Variants in PTPRN2 observed in about 807,000 individuals in gnomAD.
PTPRN2 encodes the protein protein tyrosine phosphatase receptor type N2.
In PTPRN2, 74 loss-of-function variants were observed where a neutral mutation model predicts 118.8. The observed-to-expected ratio is 0.62, with a 90% CI of 0.52 to 0.76. The LOEUF (loss-of-function observed/expected upper bound fraction) is 0.76, where lower values mean the gene tolerates loss of function less well. PTPRN2 is among the 30% of genes least tolerant of loss of function. The pLI, the probability that PTPRN2 is intolerant of heterozygous loss-of-function variation, is 0.00. For missense variants in PTPRN2, 1,481 were observed against 1,394.4 expected (o/e 1.06, Z -0.99); for synonymous variants, 641 against 608.0 (o/e 1.05, Z -0.80).
chr7:158,411,758 G>T (rs928414220), intron 2 of PTPRN2, among the ~76,000 whole-genome samples: 2 of 152,190 alleles, frequency 1.3e-5, no homozygotes, highest in African/African-American at 4.8e-5. Context: ...AGGGGCCAGG[G>T]CCCAGGTCTT....
rs1299278715 is a variant in PTPRN2, at chr7:158,259,840, TTGTG to T, written c.278-54571_278-54568del. 4.0e-5 allele frequency among the ~76,000 whole-genome samples: 6 copies of T among 150,528 alleles called. No individual in the cohort carries two copies. In the East Asian group the frequency reaches 6.0e-4, roughly 15 times the overall value. On this transcript the variant is annotated intron_variant, in intron 3 of 22. Transcript: ENST00000389418. Reference sequence around the variant, plus strand: ...TTTGTGTACACATATGTGAATGTGTTTGTGTGTCCATGTGTCCCTGGTGTACATG... The same window carrying T: ...TTTGTGTACACATATGTGAATGTGTTTGTCCATGTGTCCCTGGTGTACATG...
At chr7:157,842,924 C>T (rs1248267260) in intron 12 of PTPRN2, among the ~76,000 whole-genome samples, 2 of 152,180 alleles carry the variant, frequency 1.3e-5, no homozygotes, top group Non-Finnish European at 2.9e-5. Context: ...GAATATCTTC[C>T]TCAGAGAAGG....
chr7:157,889,851 A>AT (rs1796695928), intron 12 of PTPRN2, among the ~76,000 whole-genome samples: 2 of 152,158 alleles, frequency 1.3e-5, no homozygotes, highest in African/African-American at 4.8e-5. Flanking sequence ...TCCTTTCCCA[A>AT]TTACGAGCCT....
intron 11 of PTPRN2, among the ~76,000 whole-genome samples, chr7:157,993,202 T>C (rs1804385102): frequency 6.6e-6 from 1 of 152,138 alleles, no homozygotes; most frequent in South Asian, 2.1e-4. Flanking sequence ...TATCAAAACG[T>C]AAATAGATTC....
chr7:158,279,018 G>A (rs933956048), intron 3 of PTPRN2, among the ~76,000 whole-genome samples: 3 of 152,168 alleles, frequency 2.0e-5, no homozygotes, highest in East Asian at 1.9e-4. Flanking sequence ...GCTCACAGAC[G>A]TAGTGAGGAC....
chr7:158,052,108 T>C (rs577449849), intron 11 of PTPRN2, among the ~76,000 whole-genome samples: 3 of 152,336 alleles, frequency 2.0e-5, no homozygotes, highest in Non-Finnish European at 2.9e-5. Flanking sequence ...GAAAAGTCCC[T>C]GTGCACTAAA....
chr7:157,946,216 G>C (rs1366585966), intron 11 of PTPRN2, among the ~76,000 whole-genome samples: 1 of 152,072 alleles, frequency 6.6e-6, no homozygotes, highest in African/African-American at 2.4e-5. Flanking sequence ...CAAAGCAACT[G>C]TCTGAAGCCT....
chr7:158,328,395 G>T (rs117105782), intron 2 of PTPRN2, among the ~76,000 whole-genome samples: 2 of 152,182 alleles, frequency 1.3e-5, no homozygotes, highest in East Asian at 3.9e-4. Flanking sequence ...ACCCTATATC[G>T]CTGGAAATTC....
chr7:158,097,105 C>T (rs1814685597), intron 10 of PTPRN2, among the ~76,000 whole-genome samples: 1 of 152,164 alleles, frequency 6.6e-6, no homozygotes, highest in Non-Finnish European at 1.5e-5. Context: ...TGTAAATCCC[C>T]TATGCATGGG....
chr7:157,945,365 C>T (rs557334431), intron 11 of PTPRN2, among the ~76,000 whole-genome samples: 5 of 152,236 alleles, frequency 3.3e-5, no homozygotes, highest in South Asian at 2.1e-4. Flanking sequence ...CCGTGTGTCC[C>T]GAAGACCCCC....
At chr7:158,188,237 T>TGATGGGGAAGGCCGCCACGCTC (rs1825379615) in intron 5 of PTPRN2, among the ~76,000 whole-genome samples, 9 of 35,876 alleles carry the variant, frequency 2.5e-4, no homozygotes, top group African/African-American at 7.8e-4. Context: ...CCGCCACGCT[T>TGATGGGGAAGGCCGCCACGCTC]GCCCCGCGAT....
At chr7:158,096,852 C>T (rs1005825050) in intron 10 of PTPRN2, among the ~76,000 whole-genome samples, 3 of 152,226 alleles carry the variant, frequency 2.0e-5, no homozygotes, top group Non-Finnish European at 2.9e-5. Flanking sequence ...ATGCAAATGC[C>T]ATTTACCCAG....
intron 11 of PTPRN2, among the ~76,000 whole-genome samples, chr7:157,901,383 C>A (rs895423373): frequency 6.6e-6 from 1 of 152,082 alleles, no homozygotes; most frequent in Non-Finnish European, 1.5e-5. Context: ...TGAGGCATGG[C>A]GGGGCCGAAC....
chr7:158,431,669 C>T (rs1458848178), intron 2 of PTPRN2, among the ~76,000 whole-genome samples: 1 of 147,960 alleles, frequency 6.8e-6, no homozygotes, highest in African/African-American at 2.5e-5. Flanking sequence ...CACACTGGCT[C>T]ACACTGGGCA....
At chr7:158,338,569 G>A (rs1341695707) in intron 2 of PTPRN2, among the ~76,000 whole-genome samples, 17 of 109,764 alleles carry the variant, frequency 1.5e-4, no homozygotes, top group East Asian at 8.0e-4. Context: ...ACCTGCAGAC[G>A]TCACTCACAC....
chr7:157,651,367 CT>C (rs1301656893), intron 14 of PTPRN2, among the ~76,000 whole-genome samples: 2 of 152,198 alleles, frequency 1.3e-5, no homozygotes, highest in Non-Finnish European at 2.9e-5. Flanking sequence ...TGTCCATATC[CT>C]CATCTTCAAC....
Position 157,655,686 on chromosome 7 carries a change from C to T in PTPRN2, c.2196+671G>A, listed in dbSNP as rs184161481. Among the ~76,000 whole-genome samples, 338 of 152,302 alleles carry T rather than the reference C, an allele frequency of 2.2e-3. 1 individual carries two copies. The highest frequency in any genetic ancestry group is 7.7e-3 in the African/African-American group (320 of 41,566). On this transcript the variant is annotated intron_variant, in intron 14 of 22. Transcript: ENST00000389418. ...AGCCAGGCACGGTCACCCACCAGGA[C>T]GACGCCTACGGCCTGGAGATCCAGG...
chr7:158,269,943 C>A (rs1406012088), intron 3 of PTPRN2, among the ~76,000 whole-genome samples: 1 of 151,960 alleles, frequency 6.6e-6, no homozygotes, highest in African/African-American at 2.4e-5. Context: ...TAGAGAGACA[C>A]AGGGAGACAG....
chr7:158,403,371 C>A (rs1230118738), intron 2 of PTPRN2, among the ~76,000 whole-genome samples: 1 of 152,240 alleles, frequency 6.6e-6, no homozygotes, highest in East Asian at 1.9e-4. Flanking sequence ...AGGCTGCAGG[C>A]AGGAGTGGCA....
Sources: gnomAD v4.1 joint callset for allele counts (sites outside exome capture counted in the v4.1 genomes callset) on GRCh38, gnomAD v4.1.1 for gene constraint, MANE v1.5 for transcripts, NCBI Gene and HGNC (gene_info 2026-07-23, HGNC 2026-07-21) for gene names.